The following HERC4 variants were observed in gnomAD, a reference collection of about 807,000 sequenced individuals.
HERC4 encodes the protein HECT and RLD domain containing E3 ubiquitin protein ligase 4.
A neutral mutation model predicts 124.3 loss-of-function variants in HERC4; 28 were observed. The ratio of observed to expected loss-of-function variants is 0.23; its 90% CI spans 0.17 to 0.31. The LOEUF is 0.31. Among genes scored for constraint, HERC4 ranks in the 10% least tolerant of loss-of-function variants. The pLI is 1.00. For missense variants in HERC4, 713 were observed against 1,229.3 expected (o/e 0.58, Z 6.28); for synonymous variants, 407 against 421.5 (o/e 0.97, Z 0.42).
At chr10:68,008,767 A>T (rs2037744989) in intron 9 of HERC4, among the ~76,000 whole-genome samples, 1 of 152,220 alleles carries the variant, frequency 6.6e-6, no homozygotes, top group Non-Finnish European at 1.5e-5. Flanking sequence ...CAAAAGGTAG[A>T]AACAACCCAA....
At chr10:68,038,641 T>C (rs2039600417) in intron 4 of HERC4, among the ~76,000 whole-genome samples, 1 of 152,230 alleles carries the variant, frequency 6.6e-6, no homozygotes, top group African/African-American at 2.4e-5. Context: ...GATTCTTGTA[T>C]GTTCTACCAA....
At chr10:67,940,758 A>C (rs2032814987) in intron 20 of HERC4, among the ~76,000 whole-genome samples, 181 bp downstream of exon 20, 1 of 152,202 alleles carries the variant, frequency 6.6e-6, no homozygotes, top group Non-Finnish European at 1.5e-5. Flanking sequence ...TTAGTCTTTC[A>C]ATAGAAAATT....
At chr10:68,039,573 A>C in intron 4 of HERC4, 7 of 1,522,430 alleles carry the variant, frequency 4.6e-6, no homozygotes, top group South Asian at 3.7e-5. Flanking sequence ...TATTTAGTGA[A>C]GTTATGCTCT....
At chr10:67,923,483 TTA>T (rs2030469962) in intron 24 of HERC4, among the ~76,000 whole-genome samples, 1 of 152,200 alleles carries the variant, frequency 6.6e-6, no homozygotes, top group African/African-American at 2.4e-5. Context: ...GCAGTTTTGA[TTA>T]TGATTTCTTT....
intron 7 of HERC4, among the ~76,000 whole-genome samples, chr10:68,031,515 CA>C (rs34123712): frequency 2.6e-5 from 4 of 151,520 alleles, no homozygotes; most frequent in Non-Finnish European, 5.9e-5. Flanking sequence ...CCATTAATGG[CA>C]AAAAAATGAA....
chr10:68,068,891 C>G (rs1034776609), intron 3 of HERC4: 1 of 222,880 alleles, frequency 4.5e-6, no homozygotes, highest in East Asian at 1.8e-4. Flanking sequence ...CTGTAAAATG[C>G]GGACCATGAT....
At chr10:68,068,972 C>A in intron 3 of HERC4, 1 of 820,008 alleles carries the variant, frequency 1.2e-6, no homozygotes, top group Non-Finnish European at 1.5e-6. Flanking sequence ...TGTTGTAAAA[C>A]ACAAAAAACT....
rs985691220 is a variant in HERC4 at position 67,954,625 on chromosome 10, T to C, written c.2307A>G (p.Glu769=). The change falls in exon 19 of 25, where the codon GAA becomes GAG. Residue 769 remains glutamate (E), a synonymous_variant. Transcript: ENST00000373700. Reference sequence around the variant, plus strand: ...CAGAAAACCAAATGAGCCTGGAATCTTCATAATACCTAAACATGCCGTATT... The same window carrying C: ...CAGAAAACCAAATGAGCCTGGAATCCTCATAATACCTAAACATGCCGTATT... ...DPKYGMFRYY[E]DSRLIWFSDK... is the part of the protein sequence containing the mutation. 2 of 1,613,228 alleles carry C rather than the reference T, an allele frequency of 1.2e-6. No individual in the cohort carries two copies. Among genetic ancestry groups the C allele is most frequent in the East Asian group, 4.5e-5 (2 of 44,816 alleles).
intron 3 of HERC4, chr10:68,067,113 T>G (rs2041340163): frequency 6.6e-6 from 1 of 152,608 alleles, no homozygotes; most frequent in Non-Finnish European, 1.5e-5. Context: ...CTCCGTAAAT[T>G]TATCCCCTAA....
At chr10:67,929,591 T>C (rs1430859699) in intron 23 of HERC4, among the ~76,000 whole-genome samples, 1 of 152,114 alleles carries the variant, frequency 6.6e-6, no homozygotes, top group Non-Finnish European at 1.5e-5. Context: ...CAGGGCTCAC[T>C]GCAGCCTCTA....
rs1315805712 is a variant in HERC4, at chr10:67,941,955, C to T, written c.2338-850G>A. Among the ~76,000 whole-genome samples the T allele has an allele frequency of 2.0e-5, 3 of 151,886 alleles. No individual in the cohort carries two copies. In the East Asian group the frequency reaches 5.8e-4, roughly 29 times the overall value. On this transcript the variant is annotated intron_variant, in intron 19 of 24. Transcript: ENST00000373700. ...ACAGGCGTGAGCCACCGTGCCTGGC[C>T]AAAACATGACTTTTTAATGGCTGCA...
At chr10:68,027,990 TTA>T (rs55984730) in intron 7 of HERC4, among the ~76,000 whole-genome samples, 70 of 144,554 alleles carry the variant, frequency 4.8e-4, no homozygotes, top group African/African-American at 1.2e-3. Flanking sequence ...ATATTTTTAA[TTA>T]TATATATATA....
intron 16 of HERC4, chr10:67,960,834 T>G (rs1280110595): frequency 3.7e-6 from 1 of 270,194 alleles, no homozygotes; most frequent in East Asian, 1.3e-4. Flanking sequence ...CTTGGGCATC[T>G]TCAGCATTTT....
intron 7 of HERC4, 35 bp downstream of exon 7, chr10:68,032,743 T>C (rs377141598): frequency 4.0e-6 from 4 of 1,011,438 alleles, no homozygotes; most frequent in Middle Eastern, 2.6e-4. Context: ...AGAACTATGA[T>C]GAGTAATAAT....
chr10:68,059,498 ATATAT>A (rs1461278357), intron 3 of HERC4, among the ~76,000 whole-genome samples: 4 of 127,788 alleles, frequency 3.1e-5, no homozygotes, highest in Admixed American at 9.9e-5. Context: ...TTATAACATT[ATATAT>A]TATAATATTA....
intron 19 of HERC4, among the ~76,000 whole-genome samples, chr10:67,946,382 CACACACACACACA>C (rs2033347943): frequency 2.1e-5 from 3 of 141,708 alleles, no homozygotes; most frequent in African/African-American, 7.6e-5. Flanking sequence ...CACACACACA[CACACACACACACA>C]CAAGACCCAA....
chr10:68,010,323 C>A (rs1443485523), intron 9 of HERC4: 3 of 929,380 alleles, frequency 3.2e-6, no homozygotes, highest in Non-Finnish European at 5.1e-6. Flanking sequence ...AAAATGGGAG[C>A]CTGGGGCACC....
intron 19 of HERC4, among the ~76,000 whole-genome samples, chr10:67,949,556 T>C (rs2033645358): frequency 6.6e-6 from 1 of 151,922 alleles, no homozygotes; most frequent in African/African-American, 2.4e-5. Context: ...GATGTGAAAA[T>C]TGTCAACAAA....
In HERC4 at chr10:67,972,166, G is replaced by T. The variant is rs1427119480; in HGVS notation, c.1807-5364C>A. Among the ~76,000 whole-genome samples, 18 of 144,662 alleles carry T rather than the reference G, an allele frequency of 1.2e-4. No individual in the cohort carries two copies. In the Admixed American group the frequency reaches 1.3e-3, roughly 10 times the overall value. The allele number at this position is 144,662 out of a possible 152,430, so 94.9% of individuals were successfully genotyped here. On this transcript the variant is annotated intron_variant, in intron 15 of 24. Transcript: ENST00000373700. ...GAGGCAGAGGTTGCAGTGGGCCAAG[G>T]TCTCACCATTGCACTCCAGTCTGGG...
Sources: gnomAD v4.1 joint callset for allele counts (sites outside exome capture counted in the v4.1 genomes callset) on GRCh38, gnomAD v4.1.1 for gene constraint, MANE v1.5 for transcripts, NCBI Gene and HGNC (gene_info 2026-07-23, HGNC 2026-07-21) for gene names.